The following PDXDC1 variants were observed in gnomAD, a reference collection of about 807,000 sequenced individuals.
PDXDC1 encodes pyridoxal dependent decarboxylase domain containing 1.
Under a neutral mutation model 100.1 loss-of-function variants are expected in PDXDC1, and 42 were observed. The ratio of observed to expected loss-of-function variants is 0.42; its 90% CI spans 0.33 to 0.54. The LOEUF is 0.54. Ranked by LOEUF, PDXDC1 falls within the 20% of genes least tolerant of loss-of-function variation. The pLI is 0.10. For missense variants in PDXDC1, 636 were observed against 979.2 expected, an observed-to-expected ratio of 0.65 and a Z score of 4.68; for synonymous variants, 260 against 371.7, an observed-to-expected ratio of 0.70 and a Z score of 3.46.
At chr16:15,030,544 CAAAA>C (rs1156634836) in intron 16 of PDXDC1, among the ~76,000 whole-genome samples, 9 of 38,388 alleles carry the variant, frequency 2.3e-4, no homozygotes, top group East Asian at 1.1e-3. Context: ...GACTCCATCT[CAAAA>C]AAAAAAAAAA....
chr16:15,141,127 C>A (rs1360350082), downstream of PDXDC1, among the ~76,000 whole-genome samples: 1 of 136,268 alleles, frequency 7.3e-6, no homozygotes, highest in East Asian at 1.9e-4. Flanking sequence ...CCAGCCCCTG[C>A]CGGCCTCCAG....
At chr16:15,048,237 T>G (rs1366671738) in intron 16 of PDXDC1, 1 of 623,084 alleles carries the variant, frequency 1.6e-6, no homozygotes, top group Non-Finnish European at 2.8e-6. Context: ...ACAGAGAGGC[T>G]CAAAGAAAAA....
chr16:15,150,320 A>C, the PDXDC1 span, among the ~76,000 whole-genome samples: 2 of 150,488 alleles, frequency 1.3e-5, no homozygotes, highest in Non-Finnish European at 3.0e-5. Context: ...CAGCCTGGGC[A>C]ACAGAGTGAG....
At chr16:14,988,289 G>T in intron 1 of PDXDC1, 2 of 1,613,602 alleles carry the variant, frequency 1.2e-6, no homozygotes, top group Non-Finnish European at 8.5e-7. Flanking sequence ...TACTCCTGCA[G>T]AGGGGCTTGG....
chr16:15,082,161 T>C (rs2045733873), intron 16 of PDXDC1, among the ~76,000 whole-genome samples: 1 of 152,174 alleles, frequency 6.6e-6, no homozygotes, highest in South Asian at 2.1e-4. Flanking sequence ...GTTTTGTTCT[T>C]TGTCTTAGGA....
At chr16:15,148,589 G>T in the PDXDC1 span, among the ~76,000 whole-genome samples, 1 of 151,060 alleles carries the variant, frequency 6.6e-6, no homozygotes, top group Admixed American at 6.6e-5. Context: ...TCACCCTGTT[G>T]CCCAGGCTGG....
chr16:15,024,671 A>G (rs2042453661), intron 13 of PDXDC1, among the ~76,000 whole-genome samples: 1 of 152,278 alleles, frequency 6.6e-6, no homozygotes, highest in Admixed American at 6.5e-5. Context: ...TCAGCCTCCC[A>G]AAGTGCTGGG....
At chr16:15,124,500 G>A (rs1484364152) in intron 16 of PDXDC1, among the ~76,000 whole-genome samples, 2 of 151,930 alleles carry the variant, frequency 1.3e-5, no homozygotes, top group African/African-American at 4.8e-5. Context: ...AGGGGCTGGG[G>A]GTGGTGGCTC....
At chr16:15,124,495 C>CT (rs1279007831) in intron 16 of PDXDC1, among the ~76,000 whole-genome samples, 1 of 151,966 alleles carries the variant, frequency 6.6e-6, no homozygotes, top group Non-Finnish European at 1.5e-5. Context: ...AAAACAGGGG[C>CT]TGGGGGTGGT....
rs372040137 is a variant in PDXDC1 at position 14,975,094 on chromosome 16, C to T, written c.-106C>T. 5.7e-5 allele frequency: 84 copies of T among 1,469,246 alleles called. No individual in the cohort carries two copies. The highest frequency in any genetic ancestry group is 5.1e-4 in the East Asian group (20 of 38,940). 91.0% of individuals were successfully genotyped at this position (1,469,246 alleles called of 1,614,324 possible). A position where few individuals can be genotyped will look rare whatever the true frequency, so the allele number is the denominator to read the frequency against. On this transcript the variant is annotated 5_prime_UTR_variant, in exon 1 of 23. Transcript: ENST00000396410. ...CTCCTCCTCTTCTCCGCCCCGCCGG[C>T]CGCGGGCGCGGGGGACGTCAGCGCT...
At chr16:15,062,848 A>C (rs1196620195) in intron 16 of PDXDC1, among the ~76,000 whole-genome samples, 1 of 152,258 alleles carries the variant, frequency 6.6e-6, no homozygotes, top group Admixed American at 6.5e-5. Context: ...AGGCAGAATG[A>C]GTAAGACACG....
chr16:15,100,271 T>C (rs2046493844), intron 16 of PDXDC1, among the ~76,000 whole-genome samples: 1 of 152,132 alleles, frequency 6.6e-6, no homozygotes, highest in Admixed American at 6.6e-5. Context: ...TTCCAAAGAG[T>C]CAACAATTAT....
chr16:15,148,065 T>C, the PDXDC1 span, among the ~76,000 whole-genome samples: 2 of 151,566 alleles, frequency 1.3e-5, no homozygotes, highest in Admixed American at 1.3e-4. Flanking sequence ...CACAGCTAAC[T>C]GCAGTCTCAA....
At chr16:15,027,825 G>A (rs1331606611) in intron 14 of PDXDC1, among the ~76,000 whole-genome samples, 1 of 152,298 alleles carries the variant, frequency 6.6e-6, no homozygotes, top group Non-Finnish European at 1.5e-5. Context: ...ATAGGCCCAG[G>A]ATGGTGGTGT....
At chr16:15,011,161 C>T (rs532864450) in intron 8 of PDXDC1, among the ~76,000 whole-genome samples, 1 of 152,404 alleles carries the variant, frequency 6.6e-6, no homozygotes, top group South Asian at 2.1e-4. Context: ...GAAGACTTAC[C>T]TTGTCATACT....
intron 16 of PDXDC1, among the ~76,000 whole-genome samples, chr16:15,049,670 C>T (rs2044220436): frequency 6.6e-6 from 1 of 152,114 alleles, no homozygotes. Context: ...AAGTGATCCA[C>T]CTGCCTTGGC....
downstream of PDXDC1, among the ~76,000 whole-genome samples, chr16:15,142,912 A>G (rs1382625690): frequency 2.6e-5 from 4 of 152,022 alleles, no homozygotes; most frequent in South Asian, 2.1e-4. Flanking sequence ...AGCACAGAGC[A>G]GAGTGCAGGG....
intron 5 of PDXDC1, among the ~76,000 whole-genome samples, chr16:15,005,617 T>A (rs1349441543): frequency 6.6e-6 from 1 of 152,296 alleles, no homozygotes; most frequent in Non-Finnish European, 1.5e-5. Context: ...AGTAAAAATC[T>A]ACTGCCTGTA....
At chr16:15,044,346 G>A (rs773820499) in intron 16 of PDXDC1, 2 of 1,608,780 alleles carry the variant, frequency 1.2e-6, no homozygotes, top group Admixed American at 1.7e-5. Flanking sequence ...AGAAGTTGAT[G>A]AGTGAGTTTT....
Sources: gnomAD v4.1 joint callset for allele counts (sites outside exome capture counted in the v4.1 genomes callset) on GRCh38, gnomAD v4.1.1 for gene constraint, MANE v1.5 for transcripts, NCBI Gene and HGNC (gene_info 2026-07-23, HGNC 2026-07-21) for gene names.